The following ZIM3 variants were observed in gnomAD, a reference collection of about 807,000 sequenced individuals.
ZIM3 encodes zinc finger protein 657.
ZIM3 carries 11 observed loss-of-function variants against 12.9 expected under a neutral mutation model. The observed-to-expected ratio is 0.85, with a 90% CI of 0.54 to 1.41. The LOEUF (loss-of-function observed/expected upper bound fraction) is 1.41. Ranked by LOEUF, ZIM3 falls within the 40% of genes most tolerant of loss-of-function variation. The pLI, the probability that ZIM3 is intolerant of heterozygous loss-of-function variation, is 0.00. For synonymous variants in ZIM3, 205 were observed against 198.5 expected, an observed-to-expected ratio of 1.03 and a Z score of -0.28; for missense variants, 604 against 557.2, an observed-to-expected ratio of 1.08 and a Z score of -0.85.
intron 1 of ZIM3, among the ~76,000 whole-genome samples, 155 bp from the exon 2 acceptor site, chr19:57,142,840 CTTT>C (rs113123994): frequency 6.7e-6 from 1 of 149,498 alleles, no homozygotes; most frequent in Non-Finnish European, 1.5e-5. Context: ...TTCTGAAGGT[CTTT>C]TTTTTTTTTG....
rs1000267113 is a variant in ZIM3, at chr19:57,136,022, T to C, written c.315A>G (p.Pro105=). 1 of 1,614,198 alleles carries C rather than the reference T, an allele frequency of 6.2e-7. No homozygotes were observed. Among genetic ancestry groups the C allele is most frequent in the Non-Finnish European group, 8.5e-7 (1 of 1,180,036 alleles). Residue 105 remains proline, a synonymous_variant, in exon 5 of 5, where the codon CCA becomes CCG. Coordinates refer to ENST00000269834, the MANE Select transcript of ZIM3 (RefSeq NM_052882.1). ...DVKESLAREV[P]SINKETLTTQ... is the part of the protein sequence containing the mutation. Reference sequence around the variant, plus strand: ...TAGTCAGCGTTTCCTTATTGATTGATGGGACTTCTCTTGCGAGACTCTCTT... The same window carrying C: ...TAGTCAGCGTTTCCTTATTGATTGACGGGACTTCTCTTGCGAGACTCTCTT...
At chr19:57,143,043 A>C (rs373020806) in intron 1 of ZIM3, among the ~76,000 whole-genome samples, 16 of 152,060 alleles carry the variant, frequency 1.1e-4, no homozygotes, top group African/African-American at 3.9e-4. Context: ...AAAATACAAA[A>C]TTGGCTGGGC....
chr19:57,138,466 C>G lies in ZIM3; in HGVS notation c.142+6G>C, dbSNP rs773111405. The G allele has an allele frequency of 2.5e-6, 4 of 1,614,052 alleles. No homozygotes were observed. In the African/African-American group the frequency reaches 5.3e-5, roughly 22 times the overall value. ...TGAGTCCCCCTGCCCGGGAAGCCGTCCTTACCCACAGAGACAAGGTTGCTG... is the reference window on the plus strand; with the variant it reads ...TGAGTCCCCCTGCCCGGGAAGCCGTGCTTACCCACAGAGACAAGGTTGCTG... On this transcript the variant is annotated splice_donor_region_variant and intron_variant, in intron 3 of 4. Coordinates refer to ENST00000269834, the MANE Select transcript of ZIM3 (RefSeq NM_052882.1).
intron 2 of ZIM3, among the ~76,000 whole-genome samples, chr19:57,142,351 A>C (rs1276690428): frequency 1.3e-5 from 2 of 151,944 alleles, no homozygotes; most frequent in East Asian, 3.9e-4. Flanking sequence ...CATGTTGCCC[A>C]GGCTGGTTTC....
chr19:57,136,194 T>C, intron 4 of ZIM3, 99 bp from the exon 5 acceptor site: 3 of 1,146,918 alleles, frequency 2.6e-6, no homozygotes, highest in East Asian at 2.4e-5. Context: ...TATTCTGGCT[T>C]CAAACCTAAT....
chr19:57,135,408 G>A lies in ZIM3; in HGVS notation c.929C>T (p.Thr310Met), dbSNP rs759534385. 1.5e-5 allele frequency: 24 copies of A among 1,613,994 alleles called. No homozygotes were observed. Among genetic ancestry groups the A allele is most frequent in the East Asian group, 4.5e-5 (2 of 44,864 alleles). Residue 310 changes from threonine (T) to methionine (M), a missense_variant, in exon 5 of 5, where the codon ACG becomes ATG. Physicochemically the swap from Thr to Met is moderately conservative, Grantham distance 81. Transcript: ENST00000269834. ...GTAAATGAAAGCCTTTCCACAGTCC[G>A]TACATTGAAAGGGTTTTTGTCCAGT... ...VHTGQKPFQC[T>M]DCGKAFIYKS... is the part of the protein sequence containing the mutation.
intron 2 of ZIM3, among the ~76,000 whole-genome samples, chr19:57,142,142 CTT>C (rs35172118): frequency 0.011 from 1,239 of 112,410 alleles, 3 homozygotes; most frequent in Middle Eastern, 0.032. Flanking sequence ...CGTAACCAAG[CTT>C]TTTTTTTTTT....
Position 57,143,518 on chromosome 19 carries a change from A to G in ZIM3, c.-42-833T>C, listed in dbSNP as rs112689485. Among the ~76,000 whole-genome samples the G allele has an allele frequency of 3.6e-3, 555 of 152,192 alleles. 1 individual carries two copies. The highest frequency in any genetic ancestry group is 0.01 in the Middle Eastern group (3 of 294). On this transcript the variant is annotated intron_variant, in intron 1 of 4. Coordinates refer to ENST00000269834, the MANE Select transcript of ZIM3 (RefSeq NM_052882.1). ...CGAATAACGCCGCAGTGAACATGGG[A>G]TGCAGATAGCCCTTCAGCTTTGCCA...
chr19:57,135,790 G>C lies in ZIM3; in HGVS notation c.547C>G (p.Gln183Glu), dbSNP rs2086883858. The change falls in exon 5 of 5, where the codon CAA becomes GAA. Residue 183 changes from glutamine to glutamate, a missense_variant. Transcript: ENST00000269834. ...CAGGCATGCCTCCTCAGGTGACTTT[G>C]AAGGCGTGACTTTGAACTGAATAAC... ...RKLFSSKSRLQSHLRRHACQK... is the reference protein window; with the variant it reads ...RKLFSSKSRLESHLRRHACQK... 1 of 1,614,068 alleles carries C rather than the reference G, an allele frequency of 6.2e-7. No individual in the cohort carries two copies. Among genetic ancestry groups the C allele is most frequent in the Non-Finnish European group, 8.5e-7 (1 of 1,180,000 alleles).
chr19:57,143,817 A>G (rs2086925745), intron 1 of ZIM3, among the ~76,000 whole-genome samples: 1 of 151,718 alleles, frequency 6.6e-6, no homozygotes, highest in South Asian at 2.1e-4. Context: ...CTGGGATTAC[A>G]GGCATGCACC....
In ZIM3 at chr19:57,134,718, A is replaced by C; in HGVS notation, c.*200T>G. ...GTGTTTAAGAGTTCCTGGTACACAA[A>C]AGGCATCTAATAAATATTTATACTT... is the stretch of plus-strand genomic sequence containing the variant. On this transcript the variant is annotated 3_prime_UTR_variant, in exon 5 of 5. Transcript: ENST00000269834. The C allele has an allele frequency of 1.8e-6, 1 of 556,444 alleles. No homozygotes were observed. Among genetic ancestry groups the C allele is most frequent in the East Asian group, 2.9e-5 (1 of 34,104 alleles). 34.5% of individuals were successfully genotyped at this position (556,444 alleles called of 1,614,324 possible).
At chr19:57,136,660 C>A (rs4801199) in intron 4 of ZIM3, among the ~76,000 whole-genome samples, 98,371 of 142,388 alleles carry the variant, frequency 0.69, 34,072 homozygotes, top group East Asian at 0.93. Flanking sequence ...ACTCCGTTTC[C>A]AGAAAAAAAA....
In ZIM3 at chr19:57,138,062, G is replaced by GGAAGGAAGGAAA. The variant is rs1568458928; in HGVS notation, c.142+409_142+410insTTTCCTTCCTTC. Among the ~76,000 whole-genome samples the GGAAGGAAGGAAA allele has an allele frequency of 1.6e-4, 16 of 97,502 alleles. 1 individual carries two copies. The highest frequency in any genetic ancestry group is 4.3e-4 in the African/African-American group (9 of 20,836). The allele number at this position is 97,502 out of a possible 152,430, so 64.0% of individuals were successfully genotyped here. On this transcript the variant is annotated intron_variant, in intron 3 of 4. Coordinates refer to ENST00000269834, the MANE Select transcript of ZIM3 (RefSeq NM_052882.1). ...AGGAAGGAAGGAAGGAAAGAAGGAA[G>GGAAGGAAGGAAA]GAAGGAAGGAAGGAAAGAAGGGAGG...
At chr19:57,138,636 T>C (rs1306767060) in intron 2 of ZIM3, 38 bp from the exon 3 acceptor site, 2 of 1,605,168 alleles carry the variant, frequency 1.2e-6, no homozygotes, top group South Asian at 1.1e-5. Flanking sequence ...AAAAATGCCA[T>C]TGAATCCTGC....
chr19:57,135,326 A>G lies in ZIM3; in HGVS notation c.1011T>C (p.Cys337=), dbSNP rs1484610212. ...RIHTGEKPYK[C]SICEKAFSQK... The stretch of plus-strand genomic sequence containing the variant: ...GGGAAAAGGCCTTCTCACATATGCT[A>G]CATTTATAGGGTTTCTCTCCCGTGT... The change falls in exon 5 of 5, where the codon TGT becomes TGC. Residue 337 remains cysteine (C), a synonymous_variant. Coordinates refer to ENST00000269834, the MANE Select transcript of ZIM3 (RefSeq NM_052882.1). 4 of 1,614,098 alleles carry G rather than the reference A, an allele frequency of 2.5e-6. No individual in the cohort carries two copies. Among genetic ancestry groups the G allele is most frequent in the Non-Finnish European group, 3.4e-6 (4 of 1,180,024 alleles).
chr19:57,134,942 G>A lies in ZIM3; in HGVS notation c.1395C>T (p.His465=), dbSNP rs1204197329. The change falls in exon 5 of 5, where the codon CAC becomes CAT. Residue 465 remains histidine (H), a synonymous_variant. Coordinates refer to ENST00000269834, the MANE Select transcript of ZIM3 (RefSeq NM_052882.1). The part of the protein sequence containing the change: ...AFADRSYLVR[H]QKRIHSR ...CCTATCTGGAGTGAATTCTTTTCTG[G>A]TGCCTAACAAGGTATGACCTGTCAG... 1.2e-6 allele frequency: 2 copies of A among 1,612,030 alleles called. No individual in the cohort carries two copies. Among genetic ancestry groups the A allele is most frequent in the South Asian group, 1.1e-5 (1 of 90,930 alleles).
intron 3 of ZIM3, 131 bp downstream of exon 3, chr19:57,138,341 A>G: frequency 7.5e-7 from 1 of 1,325,954 alleles, no homozygotes; most frequent in Non-Finnish European, 1.1e-6. Flanking sequence ...GCCTCACCCT[A>G]GTCCCGGCTC....
intron 2 of ZIM3, 94 bp downstream of exon 2, chr19:57,142,535 T>C: frequency 2.9e-6 from 4 of 1,368,856 alleles, no homozygotes; most frequent in Non-Finnish European, 4.1e-6. Flanking sequence ...AGGAGGAAAA[T>C]ATGCCAAAAG....
rs2146958440 is a variant in ZIM3, at chr19:57,134,579, G to C, written c.*339C>G. The C allele has an allele frequency of 5.1e-6, 1 of 194,678 alleles. No individual in the cohort carries two copies. The highest frequency in any genetic ancestry group is 1.3e-4 in the East Asian group (1 of 7,942). 12.1% of individuals were successfully genotyped at this position (194,678 alleles called of 1,614,324 possible). On this transcript the variant is annotated 3_prime_UTR_variant, in exon 5 of 5. Coordinates refer to ENST00000269834, the MANE Select transcript of ZIM3 (RefSeq NM_052882.1). ...ACAGGCATTTGAGCCACCACGCCTGGCCAAAAGTATAGTCTTTTAAACGTT... is the reference window on the plus strand; with the variant it reads ...ACAGGCATTTGAGCCACCACGCCTGCCCAAAAGTATAGTCTTTTAAACGTT...
Sources: allele counts gnomAD v4.1 joint callset (sites outside exome capture counted in the v4.1 genomes callset), GRCh38; gene constraint gnomAD v4.1.1; transcripts MANE v1.5; gene names NCBI Gene and HGNC (gene_info 2026-07-23, HGNC 2026-07-21).